GUF1: variants seen among roughly 807,000 people sequenced by gnomAD.
GUF1 encodes GTP binding elongation factor GUF1.
In GUF1, 78 loss-of-function variants were observed where a neutral mutation model predicts 82.4. The observed-to-expected ratio is 0.95, with a 90% CI of 0.79 to 1.14. The LOEUF (loss-of-function observed/expected upper bound fraction) is 1.14. Ranked by LOEUF, GUF1 falls within the 50% of genes most tolerant of loss-of-function variation. GUF1 has a pLI of 0.00. For missense variants in GUF1, 814 were observed against 798.2 expected (o/e 1.02, Z -0.24); for synonymous variants, 279 against 282.3 (o/e 0.99, Z 0.12).
At chr4:44,682,280 T>C in intron 4 of GUF1, 54 bp from the exon 5 acceptor site, 2 of 932,194 alleles carry the variant, frequency 2.1e-6, no homozygotes, top group Non-Finnish European at 3.1e-6. Flanking sequence ...ATTACAAGTT[T>C]TGTGATATAT....
intron 7 of GUF1, 87 bp from the exon 8 acceptor site, chr4:44,686,423 C>A (rs1715053321): frequency 2.6e-6 from 2 of 776,518 alleles, no homozygotes; most frequent in South Asian, 5.5e-5. Flanking sequence ...CTCAAGAACT[C>A]AAGTACAATA....
intron 16 of GUF1, 38 bp downstream of exon 16, chr4:44,697,482 T>C (rs1408159739): frequency 5.2e-6 from 6 of 1,147,596 alleles, no homozygotes; most frequent in Middle Eastern, 2.0e-4. Context: ...TTTATAACTT[T>C]TATGGGCTTT....
chr4:44,688,195 TAA>T (rs1560344607), intron 9 of GUF1, 49 bp downstream of exon 9: 6 of 1,554,606 alleles, frequency 3.9e-6, no homozygotes, highest in South Asian at 2.4e-5. Context: ...ATTTTTAAAC[TAA>T]AAGTCTGTCT....
At chr4:44,695,398 T>C (rs2109666845) in intron 14 of GUF1, among the ~76,000 whole-genome samples, 1 of 152,372 alleles carries the variant, frequency 6.6e-6, no homozygotes, top group South Asian at 2.1e-4. Flanking sequence ...ACAGTTTCTA[T>C]TGTCTAATGT....
Position 44,689,854 on chromosome 4 carries a change from T to C in GUF1, c.1214T>C (p.Leu405Pro). The change falls in exon 11 of 17, where the codon CTT (leucine) becomes CCT (proline). Residue 405 changes from leucine to proline, a missense_variant. Coordinates refer to ENST00000281543, the MANE Select transcript of GUF1 (RefSeq NM_021927.3). ...ALGAGWRLGF[L>P]GLLHMEVFNQ... ...TTTTCCTCCCCCAGGCTAGGATTTC[T>C]TGGACTTTTGCACATGGAAGTTTTC... 1 of 1,603,066 alleles carries C rather than the reference T, an allele frequency of 6.2e-7. No individual in the cohort carries two copies. The highest frequency in any genetic ancestry group is 8.5e-7 in the Non-Finnish European group (1 of 1,172,880).
intron 16 of GUF1, 81 bp downstream of exon 16, chr4:44,697,525 A>T (rs1715911776): frequency 1.4e-6 from 1 of 699,752 alleles, no homozygotes; most frequent in Non-Finnish European, 2.3e-6. Context: ...ATTGATTTCC[A>T]TTGTTGGTTT....
At chr4:44,685,311 T>C (rs569594174) in intron 6 of GUF1, among the ~76,000 whole-genome samples, 1 of 152,212 alleles carries the variant, frequency 6.6e-6, no homozygotes, top group East Asian at 1.9e-4. Flanking sequence ...CATCCTGTAA[T>C]GCACAGGACA....
chr4:44,684,792 C>T (rs1194333824), intron 6 of GUF1, among the ~76,000 whole-genome samples: 1 of 152,150 alleles, frequency 6.6e-6, no homozygotes, highest in African/African-American at 2.4e-5. Context: ...ATCTGCATTG[C>T]ATTAAATGAT....
chr4:44,695,657 G>A lies in GUF1; in HGVS notation c.1758G>A (p.Leu586=). Residue 586 remains leucine (L), a synonymous_variant, in exon 15 of 17, where the codon CTG becomes CTA. Transcript: ENST00000281543. ...HSIGKAICER[L]KDSLPRQLFE... ...TTGGCAAAGCCATATGTGAACGGCT[G>A]AAGGATTCTCTTCCTAGGCAACTGT... 1 of 1,613,572 alleles carries A rather than the reference G, an allele frequency of 6.2e-7. No individual in the cohort carries two copies. The highest frequency in any genetic ancestry group is 8.5e-7 in the Non-Finnish European group (1 of 1,179,602).
At chr4:44,695,503 C>T in intron 14 of GUF1, 112 bp from the exon 15 acceptor site, 1 of 680,908 alleles carries the variant, frequency 1.5e-6, no homozygotes, top group Non-Finnish European at 2.3e-6. Flanking sequence ...AAGTAAGTTC[C>T]ATTTGAACCT....
rs755546202 is a variant in GUF1 at position 44,680,572 on chromosome 4, T to TA, written c.277+21dup. ...TTACAGGTATTTCATTTATGTTACA[T>TA]ACTTAACTGATGGCTGCGAGTTATT... On this transcript the variant is annotated intron_variant, in intron 2 of 16. Transcript: ENST00000281543. 6.6e-7 allele frequency: 1 copy of TA among 1,521,774 alleles called. No homozygotes were observed. 94.3% of individuals were successfully genotyped at this position (1,521,774 alleles called of 1,614,324 possible). A position where few individuals can be genotyped will look rare whatever the true frequency, so the allele number is the denominator to read the frequency against.
At position 44,689,275 on chromosome 4, in the gene GUF1, T is replaced by G; in HGVS notation, c.1079-11T>G. On this transcript the variant is annotated splice_polypyrimidine_tract_variant and intron_variant, in intron 9 of 16. Transcript: ENST00000281543. ...TTATCACGTGATAATTAGAAATCAT[T>G]GTATCCCCAGGAATGTATCCTCTAG... 6.4e-7 allele frequency: 1 copy of G among 1,563,406 alleles called. No homozygotes were observed. The highest frequency in any genetic ancestry group is 1.2e-5 in the South Asian group (1 of 83,254).
At position 44,690,841 on chromosome 4, in the gene GUF1, A is replaced by C; in HGVS notation, c.1460A>C (p.Lys487Thr). ...TIITPDEYTG[K>T]IMMLCEARRA... The stretch of plus-strand genomic sequence containing the variant: ...ATCACACCAGATGAATACACTGGAA[A>C]AATAATGATGCTTTGCGAGGTATAA... Residue 487 changes from lysine (K) to threonine (T), a missense_variant, in exon 12 of 17, where the codon AAA becomes ACA. Coordinates refer to ENST00000281543, the MANE Select transcript of GUF1 (RefSeq NM_021927.3). 1 of 1,595,198 alleles carries C rather than the reference A, an allele frequency of 6.3e-7. No homozygotes were observed. Among genetic ancestry groups the C allele is most frequent in the Non-Finnish European group, 8.5e-7 (1 of 1,169,954 alleles).
At chr4:44,682,086 G>C (rs541786196) in intron 4 of GUF1, 3 of 288,614 alleles carry the variant, frequency 1.0e-5, no homozygotes, top group African/African-American at 6.5e-5. Flanking sequence ...CTCAAGCTTA[G>C]TAGACTGTCT....
rs138459415 is a variant in GUF1, at chr4:44,689,376, G to T, written c.1169G>T (p.Arg390Leu). The change falls in exon 10 of 17, where the codon CGG becomes CTG. Residue 390 changes from arginine (R) to leucine (L), a missense_variant. Coordinates refer to ENST00000281543, the MANE Select transcript of GUF1 (RefSeq NM_021927.3). Reference protein sequence around the residue: ...TLNDSSVTVHRDSSLALGAGW... With the variant: ...TLNDSSVTVHLDSSLALGAGW... ...AATGATTCCAGTGTGACCGTTCATC[G>T]GGATAGTAGCCTTGCTCTGGGTGCT... is the stretch of plus-strand genomic sequence containing the variant. The T allele has an allele frequency of 1.2e-6, 2 of 1,608,630 alleles. No homozygotes were observed. The highest frequency in any genetic ancestry group is 1.7e-6 in the Non-Finnish European group (2 of 1,176,738).
chr4:44,692,120 C>T (rs1452408799), intron 13 of GUF1, among the ~76,000 whole-genome samples: 1 of 151,824 alleles, frequency 6.6e-6, no homozygotes, highest in Non-Finnish European at 1.5e-5. Flanking sequence ...TTTACCATAA[C>T]CTCAGTGGCA....
chr4:44,689,425 A>G lies in GUF1; in HGVS notation c.1202+16A>G, dbSNP rs550776370. The G allele has an allele frequency of 6.9e-6, 11 of 1,593,668 alleles. No homozygotes were observed. In the South Asian group the frequency reaches 9.1e-5, roughly 13 times the overall value. On this transcript the variant is annotated intron_variant, in intron 10 of 16. Transcript: ENST00000281543. ...CTGGCTGGAGGTAAGATTCATTCAC[A>G]TGTGTTTTATAGGAAAGGGAGGTGT...
In GUF1 at chr4:44,678,627, G is replaced by A. The variant is rs1257458064; in HGVS notation, c.5G>A (p.Trp2Ter). The part of the protein sequence containing the change: M[W>*]TLVGRGWGCA... Reference sequence around the variant, plus strand: ...GACGCCTCCGCCGCCCGGGTCATGTGGACCCTCGTGGGTCGGGGCTGGGGG... The same window carrying A: ...GACGCCTCCGCCGCCCGGGTCATGTAGACCCTCGTGGGTCGGGGCTGGGGG... The change falls in exon 1 of 17, where the codon TGG (tryptophan) becomes TAG (stop). Residue 2 changes from tryptophan (W) to a stop codon, truncating the protein, a stop_gained. Coordinates refer to ENST00000281543, the MANE Select transcript of GUF1 (RefSeq NM_021927.3). LOFTEE classifies it high-confidence loss of function. The A allele has an allele frequency of 1.4e-6, 2 of 1,459,084 alleles. No homozygotes were observed. The highest frequency in any genetic ancestry group is 2.8e-5 in the East Asian group (1 of 36,352). 90.4% of individuals were successfully genotyped at this position (1,459,084 alleles called of 1,614,324 possible). A position where few individuals can be genotyped will look rare whatever the true frequency, so the allele number is the denominator to read the frequency against.
At chr4:44,698,078 G>A (rs982260758) in intron 16 of GUF1, among the ~76,000 whole-genome samples, 15 of 152,078 alleles carry the variant, frequency 9.9e-5, no homozygotes, top group East Asian at 3.9e-4. Context: ...CTCAGGAGGC[G>A]GAGGTTACAG....
Sources: allele counts gnomAD v4.1 joint callset (sites outside exome capture counted in the v4.1 genomes callset), GRCh38; gene constraint gnomAD v4.1.1; transcripts MANE v1.5; gene names NCBI Gene and HGNC (gene_info 2026-07-23, HGNC 2026-07-21).